Variants in PLPPR5 observed in about 807,000 individuals in gnomAD.
The protein encoded by PLPPR5 is phospholipid phosphatase related 5.
In PLPPR5, 16 loss-of-function variants were observed where a neutral mutation model predicts 33.9. The ratio of observed to expected loss-of-function variants is 0.47; its 90% CI spans 0.32 to 0.72. The LOEUF is 0.72. PLPPR5 is among the 30% of genes least tolerant of loss of function. The probability of loss-of-function intolerance (pLI) is 0.03; values close to 1 mark genes in which losing one functional copy is unlikely to be tolerated. For missense variants in PLPPR5, 301 were observed against 406.7 expected (o/e 0.74, Z 2.23); for synonymous variants, 163 against 150.3 (o/e 1.08, Z -0.62).
chr1:98,964,998 A>G (rs1472306369), intron 1 of PLPPR5, among the ~76,000 whole-genome samples: 1 of 134,502 alleles, frequency 7.4e-6, no homozygotes, highest in Non-Finnish European at 1.6e-5. Flanking sequence ...TTTTTGGTAG[A>G]GATGGGATTT....
chr1:98,980,005 A>G (rs376154233), intron 1 of PLPPR5, among the ~76,000 whole-genome samples: 160 of 152,066 alleles, frequency 1.1e-3, no homozygotes, highest in African/African-American at 3.6e-3. Context: ...CCATAATCCA[A>G]GAAGCCATCT....
chr1:98,913,204 C>G (rs78950118), intron 5 of PLPPR5, among the ~76,000 whole-genome samples: 3 of 152,162 alleles, frequency 2.0e-5, no homozygotes, highest in Non-Finnish European at 4.4e-5. Context: ...TCTTTAAGCA[C>G]GTTTTTGTTC....
At chr1:98,971,437 A>G (rs568172167) in intron 1 of PLPPR5, among the ~76,000 whole-genome samples, 2 of 152,100 alleles carry the variant, frequency 1.3e-5, no homozygotes, top group African/African-American at 4.8e-5. Flanking sequence ...TCTCTTTCAC[A>G]TATAACTTAC....
At chr1:98,948,238 G>A (rs72730350) in intron 3 of PLPPR5, among the ~76,000 whole-genome samples, 8,691 of 152,198 alleles carry the variant, frequency 0.057, 341 homozygotes, top group South Asian at 0.078. Flanking sequence ...ACACTAGTGG[G>A]TTGTGTTTAT....
At chr1:98,933,025 G>A (rs1035628010) in intron 3 of PLPPR5, among the ~76,000 whole-genome samples, 2 of 152,020 alleles carry the variant, frequency 1.3e-5, no homozygotes, top group Admixed American at 6.6e-5. Flanking sequence ...AGTGTGGTCC[G>A]GGCTGCACCC....
At chr1:98,966,696 A>G (rs1651461727) in intron 1 of PLPPR5, among the ~76,000 whole-genome samples, 3 of 152,186 alleles carry the variant, frequency 2.0e-5, no homozygotes, top group Admixed American at 6.5e-5. Flanking sequence ...TGCGGATCTG[A>G]ACCTTTGAGT....
At chr1:98,961,689 A>G (rs942222657) in intron 1 of PLPPR5, among the ~76,000 whole-genome samples, 11 of 152,124 alleles carry the variant, frequency 7.2e-5, no homozygotes. Context: ...ACTGCCCTAT[A>G]TGTCTGTCCT....
At chr1:98,942,463 T>G (rs1250761611) in intron 3 of PLPPR5, among the ~76,000 whole-genome samples, 1 of 152,190 alleles carries the variant, frequency 6.6e-6, no homozygotes, top group Non-Finnish European at 1.5e-5. Flanking sequence ...CATTAGCTTG[T>G]TAGATCCTGT....
intron 1 of PLPPR5, among the ~76,000 whole-genome samples, chr1:98,982,495 T>C (rs1350344231): frequency 1.3e-5 from 2 of 152,106 alleles, no homozygotes; most frequent in East Asian, 1.9e-4. Flanking sequence ...TTAACCTTTA[T>C]ACAGAAAGTA....
At chr1:98,903,001 G>A (rs908491541) in intron 5 of PLPPR5, among the ~76,000 whole-genome samples, 1 of 152,034 alleles carries the variant, frequency 6.6e-6, no homozygotes, top group Non-Finnish European at 1.5e-5. Flanking sequence ...AATTGATTCT[G>A]AGTATACTGG....
intron 4 of PLPPR5, among the ~76,000 whole-genome samples, chr1:98,920,921 G>T (rs769128993): frequency 6.6e-6 from 1 of 152,050 alleles, no homozygotes; most frequent in Non-Finnish European, 1.5e-5. Context: ...TACTCATAAT[G>T]ATTAGTGCAC....
At chr1:98,937,471 A>G (rs1183578502) in intron 3 of PLPPR5, among the ~76,000 whole-genome samples, 1 of 152,142 alleles carries the variant, frequency 6.6e-6, no homozygotes, top group Non-Finnish European at 1.5e-5. Context: ...CATAAGACAC[A>G]TTTCTGCCTG....
intron 1 of PLPPR5, among the ~76,000 whole-genome samples, chr1:99,002,276 G>T (rs904400203): frequency 7.2e-5 from 11 of 152,074 alleles, no homozygotes; most frequent in African/African-American, 2.4e-4. Context: ...GTACCTAAAA[G>T]AACTAAAAGC....
chr1:98,953,804 T>C (rs1650896860), intron 2 of PLPPR5, among the ~76,000 whole-genome samples: 1 of 152,206 alleles, frequency 6.6e-6, no homozygotes, highest in African/African-American at 2.4e-5. Flanking sequence ...CTGCTGGAGG[T>C]GCCAATTAGC....
At chr1:98,997,796 T>C (rs1034440544) in intron 1 of PLPPR5, among the ~76,000 whole-genome samples, 1 of 152,220 alleles carries the variant, frequency 6.6e-6, no homozygotes, top group Non-Finnish European at 1.5e-5. Flanking sequence ...ATTTTCCTTA[T>C]ATGTATGAAG....
chr1:98,959,650 T>C (rs1570734746), intron 1 of PLPPR5, among the ~76,000 whole-genome samples: 1 of 152,144 alleles, frequency 6.6e-6, no homozygotes, highest in South Asian at 2.1e-4. Flanking sequence ...CGAGCATACA[T>C]GATTTCCCCA....
chr1:98,971,455 T>C (rs1396541497), intron 1 of PLPPR5, among the ~76,000 whole-genome samples: 1 of 152,104 alleles, frequency 6.6e-6, no homozygotes, highest in East Asian at 1.9e-4. Context: ...TACTCAGTTT[T>C]TATCTGATTT....
intron 1 of PLPPR5, among the ~76,000 whole-genome samples, chr1:98,960,222 G>T (rs1249990202): frequency 6.6e-6 from 1 of 151,412 alleles, no homozygotes; most frequent in Non-Finnish European, 1.5e-5. Flanking sequence ...TTATTATTTT[G>T]AGATGAAGTC....
intron 3 of PLPPR5, among the ~76,000 whole-genome samples, chr1:98,948,386 G>A (rs1650639522): frequency 6.6e-6 from 1 of 152,062 alleles, no homozygotes; most frequent in African/African-American, 2.4e-5. Flanking sequence ...GGGGAGAGAG[G>A]GAATGATATT....
Sources: gnomAD v4.1 joint callset for allele counts (sites outside exome capture counted in the v4.1 genomes callset) on GRCh38, gnomAD v4.1.1 for gene constraint, MANE v1.5 for transcripts, NCBI Gene and HGNC (gene_info 2026-07-23, HGNC 2026-07-21) for gene names.